The following DACH2 variants were observed in gnomAD, a reference collection of about 807,000 sequenced individuals.
DACH2 encodes the protein dachshund homolog 2.
In DACH2, 17 loss-of-function variants were observed where a neutral mutation model predicts 35.8. The ratio of observed to expected loss-of-function variants is 0.48; its 90% CI spans 0.33 to 0.71. DACH2 has a LOEUF of 0.71. DACH2 is among the 30% of genes least tolerant of loss of function. The probability of loss-of-function intolerance (pLI) is 0.02; values close to 1 mark genes in which losing one functional copy is unlikely to be tolerated. For missense variants in DACH2, 469 were observed against 472.7 expected (o/e 0.99, Z 0.07); for synonymous variants, 195 against 177.3 (o/e 1.10, Z -0.79).
chrX:86,823,205 G>T (rs1324548830), intron 11 of DACH2, among the ~76,000 whole-genome samples: 1 of 111,666 alleles, frequency 9.0e-6, no homozygotes, highest in Non-Finnish European at 1.9e-5. Flanking sequence ...AAAATGCTGG[G>T]ATTACAGGTG....
At chrX:86,223,156 C>T (rs5968835) in intron 1 of DACH2, among the ~76,000 whole-genome samples, 20,087 of 111,234 alleles carry the variant, frequency 0.18, 4,390 homozygotes, top group African/African-American at 0.62. Flanking sequence ...TAGTAATTCA[C>T]TGGTTTGTAA....
chrX:86,800,176 T>G (rs1341135040), intron 7 of DACH2, among the ~76,000 whole-genome samples: 2 of 112,598 alleles, frequency 1.8e-5, no homozygotes, highest in East Asian at 5.6e-4. Context: ...TTTGAAAATA[T>G]TCCTCTTTGT....
Position 86,516,923 on chromosome X carries a change from G to A in DACH2, c.640+2532G>A, listed in dbSNP as rs2038477499. Among the ~76,000 whole-genome samples, 4 of 111,638 alleles carry A rather than the reference G, an allele frequency of 3.6e-5. No homozygotes were observed. In the Admixed American group the frequency reaches 3.8e-4, roughly 11 times the overall value. On this transcript the variant is annotated intron_variant, in intron 3 of 11. Coordinates refer to ENST00000373125, the MANE Select transcript of DACH2 (RefSeq NM_053281.3). ...TTATGGCTGCATAGTATTCCATGGT[G>A]TATATATACCACATTTTCTTTTTTC...
intron 2 of DACH2, among the ~76,000 whole-genome samples, chrX:86,436,716 C>A (rs1325665029): frequency 3.6e-5 from 4 of 111,123 alleles, no homozygotes; most frequent in Non-Finnish European, 3.8e-5. Flanking sequence ...AGAATTGGAA[C>A]AATTTCTTTC....
chrX:86,764,840 C>T (rs1053482588), intron 7 of DACH2, among the ~76,000 whole-genome samples: 1 of 112,145 alleles, frequency 8.9e-6, no homozygotes, highest in African/African-American at 3.2e-5. Context: ...AATTTGCATT[C>T]CCACCAACAG....
chrX:86,743,749 A>G (rs1169333999), intron 7 of DACH2, among the ~76,000 whole-genome samples: 1 of 111,172 alleles, frequency 9.0e-6, no homozygotes, highest in East Asian at 2.8e-4. Context: ...GAAAGGCTAT[A>G]CCCTCTGGGG....
intron 1 of DACH2, among the ~76,000 whole-genome samples, chrX:86,174,368 C>A (rs944138781): frequency 3.6e-5 from 4 of 109,882 alleles, no homozygotes; most frequent in African/African-American, 1.3e-4. Context: ...CTCAAGCGAT[C>A]CTCCTGCCTT....
Position 86,832,271 on chromosome X carries a change from G to T in DACH2, c.*116G>T, listed in dbSNP as rs757988201. ...TATCAGCAAAGCTTTGTTTACTGAA[G>T]GAGCTATTTAATCTATGTTACATTA... On this transcript the variant is annotated 3_prime_UTR_variant, in exon 12 of 12. Coordinates refer to ENST00000373125, the MANE Select transcript of DACH2 (RefSeq NM_053281.3). 1.0e-5 allele frequency: 6 copies of T among 574,922 alleles called. No individual in the cohort carries two copies. The highest frequency in any genetic ancestry group is 3.5e-5 in the Admixed American group (1 of 28,787). The allele number at this position is 574,922 out of a possible 1,213,427, so 47.4% of individuals were successfully genotyped here.
At chrX:86,192,100 T>C (rs1158179354) in intron 1 of DACH2, among the ~76,000 whole-genome samples, 1 of 111,954 alleles carries the variant, frequency 8.9e-6, no homozygotes, top group Non-Finnish European at 1.9e-5. Context: ...TCACTCTTGT[T>C]AGGTGCAGGC....
chrX:86,735,514 G>A (rs1024829870), intron 6 of DACH2, among the ~76,000 whole-genome samples: 8 of 111,934 alleles, frequency 7.1e-5, no homozygotes, highest in Admixed American at 9.5e-5. Context: ...GGAAGGGATT[G>A]TATGTACTAA....
chrX:86,436,348 C>A (rs2037067048), intron 2 of DACH2, among the ~76,000 whole-genome samples: 1 of 93,879 alleles, frequency 1.1e-5, no homozygotes, highest in Non-Finnish European at 2.1e-5. Context: ...TTTTTTTCTA[C>A]CTAAGGTGGT....
At chrX:86,560,636 C>G (rs1170280075) in intron 3 of DACH2, among the ~76,000 whole-genome samples, 1 of 87,270 alleles carries the variant, frequency 1.1e-5, no homozygotes, top group Non-Finnish European at 2.2e-5. Flanking sequence ...CTGAGAAAAA[C>G]AAGCAATGGG....
chrX:86,678,594 A>C (rs1425298521), intron 4 of DACH2, among the ~76,000 whole-genome samples: 1 of 112,261 alleles, frequency 8.9e-6, no homozygotes, highest in African/African-American at 3.2e-5. Context: ...CTTTGCAGAA[A>C]TAATCACATA....
At chrX:86,621,551 TA>T (rs199886945) in intron 3 of DACH2, among the ~76,000 whole-genome samples, 11,790 of 105,970 alleles carry the variant, frequency 0.11, 651 homozygotes, top group African/African-American at 0.21. Context: ...ATTTTAATAA[TA>T]AAAAAAAAAG....
intron 1 of DACH2, among the ~76,000 whole-genome samples, chrX:86,169,189 C>T (rs771468010): frequency 1.8e-5 from 2 of 111,547 alleles, no homozygotes; most frequent in Non-Finnish European, 3.8e-5. Context: ...ATGGTAAAAG[C>T]ATTTTTCCTT....
At chrX:86,368,564 CTTTTT>C (rs11446638) in intron 1 of DACH2, among the ~76,000 whole-genome samples, 1 of 84,346 alleles carries the variant, frequency 1.2e-5, no homozygotes. Context: ...CTTTCTTCTT[CTTTTT>C]TTTTTTTTTT....
At chrX:86,557,322 A>C (rs1307448765) in intron 3 of DACH2, among the ~76,000 whole-genome samples, 5 of 111,329 alleles carry the variant, frequency 4.5e-5, no homozygotes, top group African/African-American at 1.6e-4. Context: ...TCATAAATTA[A>C]CCATCACAAC....
intron 4 of DACH2, among the ~76,000 whole-genome samples, chrX:86,656,239 A>T (rs1204323504): frequency 9.0e-6 from 1 of 111,144 alleles, no homozygotes; most frequent in African/African-American, 3.3e-5. Context: ...GATTACTAGA[A>T]AGTTTTGATC....
intron 1 of DACH2, among the ~76,000 whole-genome samples, chrX:86,155,181 C>T (rs2030501167): frequency 9.0e-6 from 1 of 110,549 alleles, no homozygotes; most frequent in Non-Finnish European, 1.9e-5. Flanking sequence ...TAAATCCTTA[C>T]TAATAAGCTT....
Sources: gnomAD v4.1 joint callset for allele counts (sites outside exome capture counted in the v4.1 genomes callset) on GRCh38, gnomAD v4.1.1 for gene constraint, MANE v1.5 for transcripts, NCBI Gene and HGNC (gene_info 2026-07-23, HGNC 2026-07-21) for gene names.